Variants in TRIO observed in about 807,000 individuals in gnomAD.
The protein encoded by TRIO is trio Rho guanine nucleotide exchange factor.
A neutral mutation model predicts 351.9 loss-of-function variants in TRIO; 58 were observed. The observed-to-expected ratio is 0.16, with a 90% CI of 0.13 to 0.21. The LOEUF is 0.21. Among genes scored for constraint, TRIO ranks in the 10% least tolerant of loss-of-function variants. The pLI is 1.00. For missense variants in TRIO, 3,201 were observed against 4,027.8 expected (o/e 0.79, Z 5.56); for synonymous variants, 1,758 against 1,595.7 (o/e 1.10, Z -2.42).
chr5:14,360,665 C>CAGAA (rs1744068276), intron 13 of TRIO, among the ~76,000 whole-genome samples: 1 of 152,202 alleles, frequency 6.6e-6, no homozygotes, highest in South Asian at 2.1e-4. Context: ...CATAGTGGGC[C>CAGAA]GTGTGGCTTC....
chr5:14,443,867 A>G (rs1752246045), intron 34 of TRIO, among the ~76,000 whole-genome samples: 1 of 152,256 alleles, frequency 6.6e-6, no homozygotes, highest in Non-Finnish European at 1.5e-5. Flanking sequence ...GGGAGAGCCT[A>G]GTTCTACGGA....
intron 35 of TRIO, 61 bp from the exon 36 acceptor site, chr5:14,462,694 C>T (rs1414924657): frequency 1.3e-6 from 2 of 1,597,428 alleles, no homozygotes; most frequent in East Asian, 2.3e-5. Context: ...TCCAAGTAAC[C>T]CTTGGTCCAC....
intron 1 of TRIO, among the ~76,000 whole-genome samples, chr5:14,202,263 A>G (rs1214991541): frequency 6.8e-6 from 1 of 147,994 alleles, no homozygotes; most frequent in Admixed American, 6.7e-5. Context: ...AAATTCATAA[A>G]CTTTCTTAAA....
chr5:14,154,680 G>A (rs1037878339), intron 1 of TRIO, among the ~76,000 whole-genome samples: 5 of 152,050 alleles, frequency 3.3e-5, no homozygotes, highest in African/African-American at 1.2e-4. Context: ...TGTTGTTTTC[G>A]AGCATCATTT....
chr5:14,143,772 G>A lies in TRIO; in HGVS notation c.47G>A (p.Gly16Asp), dbSNP rs1332937106. Residue 16 changes from glycine to aspartate, a missense_variant, in exon 1 of 57, where the codon GGC becomes GAC. By Grantham distance (94) the Gly-to-Asp change is moderately conservative. Around this residue, in one of 19 missense-constraint regions of TRIO, gnomAD observed 109 missense variants for 134.6 expected, o/e 0.81. Transcript: ENST00000344204. ...GGAAAPAASSGPAAAASAAGS... is the reference protein window; with the variant it reads ...GGAAAPAASSDPAAAASAAGS... ...GCCGCCGCCCCCGCCGCGTCCTCCG[G>A]CCCCGCCGCGGCGGCCAGCGCGGCT... 1 of 1,009,012 alleles carries A rather than the reference G, an allele frequency of 9.9e-7. No homozygotes were observed. The highest frequency in any genetic ancestry group is 1.7e-5 in the African/African-American group (1 of 57,324). The allele number at this position is 1,009,012 out of a possible 1,614,324, so 62.5% of individuals were successfully genotyped here.
intron 9 of TRIO, among the ~76,000 whole-genome samples, chr5:14,324,287 C>G (rs1327203304): frequency 6.6e-6 from 1 of 152,110 alleles, no homozygotes; most frequent in Non-Finnish European, 1.5e-5. Flanking sequence ...TTCATGTATT[C>G]TTTAAATGGA....
chr5:14,312,505 C>A (rs1739017154), intron 8 of TRIO, among the ~76,000 whole-genome samples: 1 of 152,080 alleles, frequency 6.6e-6, no homozygotes, highest in Non-Finnish European at 1.5e-5. Context: ...GCTGTGTATT[C>A]CAAGAAAAAC....
intron 10 of TRIO, among the ~76,000 whole-genome samples, chr5:14,334,790 C>T (rs369468597): frequency 2.0e-5 from 3 of 152,226 alleles, no homozygotes; most frequent in African/African-American, 7.2e-5. Context: ...TGGAAGGAAG[C>T]CACCTGCAGG....
intron 33 of TRIO, among the ~76,000 whole-genome samples, chr5:14,413,904 G>T (rs1390520918): frequency 6.6e-6 from 1 of 152,150 alleles, no homozygotes; most frequent in Admixed American, 6.5e-5. Flanking sequence ...GCTCTTCCTG[G>T]TGAGGGCCCA....
At chr5:14,498,492 C>T (rs370819465) in intron 52 of TRIO, 27 bp from the exon 53 acceptor site, 101 of 1,607,034 alleles carry the variant, frequency 6.3e-5, no homozygotes, top group Admixed American at 1.2e-4. Flanking sequence ...TTTTCTGATG[C>T]GCAGTGTGTT....
intron 55 of TRIO, 121 bp from the exon 56 acceptor site, chr5:14,507,001 C>T (rs1757734979): frequency 7.4e-7 from 1 of 1,353,928 alleles, no homozygotes; most frequent in African/African-American, 1.5e-5. Context: ...GAGGCACGGC[C>T]CTGAGATCCC....
Position 14,507,992 on chromosome 5 carries a change from A to T in TRIO, c.8864A>T (p.Asn2955Ile). The T allele has an allele frequency of 6.2e-7, 1 of 1,614,202 alleles. No homozygotes were observed. Among genetic ancestry groups the T allele is most frequent in the Non-Finnish European group, 8.5e-7 (1 of 1,180,040 alleles). Residue 2955 changes from asparagine (N) to isoleucine (I), a missense_variant, in exon 57 of 57, where the codon AAC becomes ATC. Coordinates refer to ENST00000344204, the MANE Select transcript of TRIO (RefSeq NM_007118.4). Reference protein sequence around the residue: ...TTYYIHQLLGNPEFAAPEIIL... With the variant: ...TTYYIHQLLGIPEFAAPEIIL... ...TACTACATCCACCAGTTACTGGGGA[A>T]CCCTGAATTCGCAGCCCCTGAAATC...
chr5:14,385,268 G>A (rs1033838950), intron 21 of TRIO, among the ~76,000 whole-genome samples: 26 of 152,190 alleles, frequency 1.7e-4, no homozygotes, highest in African/African-American at 6.0e-4. Context: ...ACTCAGGCAC[G>A]TGTCTAACCA....
chr5:14,404,200 T>C (rs1052209490), intron 31 of TRIO, among the ~76,000 whole-genome samples: 3 of 151,892 alleles, frequency 2.0e-5, no homozygotes, highest in African/African-American at 7.3e-5. Flanking sequence ...GATGTCCTCA[T>C]AGTTGTAAAA....
chr5:14,354,417 A>G (rs1743423356), intron 11 of TRIO, among the ~76,000 whole-genome samples: 1 of 152,230 alleles, frequency 6.6e-6, no homozygotes, highest in Non-Finnish European at 1.5e-5. Context: ...AGAGGCCTCC[A>G]TTGGCTCCTG....
At chr5:14,448,029 C>T (rs1394908734) in intron 34 of TRIO, among the ~76,000 whole-genome samples, 1 of 152,210 alleles carries the variant, frequency 6.6e-6, no homozygotes, top group East Asian at 1.9e-4. Flanking sequence ...AATTAAGAAT[C>T]AAGAACCCAT....
At chr5:14,404,007 A>G in intron 31 of TRIO, among the ~76,000 whole-genome samples, 1 of 105,870 alleles carries the variant, frequency 9.4e-6, no homozygotes, top group African/African-American at 4.4e-5. Flanking sequence ...GTGAGGGTGT[A>G]GGTTGTGGTG....
chr5:14,274,443 A>G (rs1735320486), intron 2 of TRIO, among the ~76,000 whole-genome samples: 1 of 152,202 alleles, frequency 6.6e-6, no homozygotes. Flanking sequence ...TTAGTTTCAT[A>G]GGGAGTTTTA....
intron 46 of TRIO, among the ~76,000 whole-genome samples, chr5:14,483,910 C>A (rs1269563761): frequency 6.6e-6 from 1 of 151,948 alleles, no homozygotes; most frequent in African/African-American, 2.4e-5. Flanking sequence ...AACTGTGCAC[C>A]CATGCCCTGA....
Sources: gnomAD v4.1 joint callset for allele counts (sites outside exome capture counted in the v4.1 genomes callset) on GRCh38, gnomAD v4.1.1 for gene constraint, gnomAD v4.1.1 regional missense constraint, MANE v1.5 for transcripts, NCBI Gene and HGNC (gene_info 2026-07-23, HGNC 2026-07-21) for gene names.